SOX6: variants seen among roughly 807,000 people sequenced by gnomAD.
The protein encoded by SOX6 is transcription factor SOX-6.
Under a neutral mutation model 97.8 loss-of-function variants are expected in SOX6, and 11 were observed. The ratio of observed to expected loss-of-function variants is 0.11; its 90% CI spans 0.07 to 0.19. The LOEUF (loss-of-function observed/expected upper bound fraction) is 0.19. SOX6 is among the 10% of genes least tolerant of loss of function. The pLI is 1.00. For synonymous variants in SOX6, 360 were observed against 371.4 expected (o/e 0.97, Z 0.35); for missense variants, 810 against 1,039.5 (o/e 0.78, Z 3.04).
At chr11:16,697,180 T>C (rs549491968) in intron 3 of SOX6, among the ~76,000 whole-genome samples, 5 of 152,336 alleles carry the variant, frequency 3.3e-5, no homozygotes, top group Admixed American at 2.6e-4. Flanking sequence ...TGCTTCCATA[T>C]CTACAGTTAC....
intron 2 of SOX6, among the ~76,000 whole-genome samples, chr11:16,322,548 G>A (rs1481486742): frequency 6.6e-6 from 1 of 152,112 alleles, no homozygotes; most frequent in Non-Finnish European, 1.5e-5. Flanking sequence ...AATGTCCAAT[G>A]ATAATATCTA....
At chr11:16,564,834 C>T (rs540875637) in intron 4 of SOX6, among the ~76,000 whole-genome samples, 2 of 151,984 alleles carry the variant, frequency 1.3e-5, no homozygotes, top group Non-Finnish European at 2.9e-5. Flanking sequence ...ACATTTATAA[C>T]ACTAAATGCA....
At chr11:16,096,233 T>C (rs1848791700) in intron 8 of SOX6, 115 bp from the exon 9 acceptor site, 3 of 1,292,502 alleles carry the variant, frequency 2.3e-6, no homozygotes, top group South Asian at 2.6e-5. Context: ...AAATAGAAAG[T>C]AGAAAGTTTA....
At chr11:16,132,299 G>GA (rs1438169387) in intron 6 of SOX6, among the ~76,000 whole-genome samples, 2 of 112,294 alleles carry the variant, frequency 1.8e-5, no homozygotes, top group Admixed American at 2.0e-4. Context: ...AGGAAGGAAG[G>GA]AAGGAAGGAA....
chr11:16,705,876 A>G (rs949030606), intron 3 of SOX6, among the ~76,000 whole-genome samples: 3 of 152,164 alleles, frequency 2.0e-5, no homozygotes, highest in African/African-American at 7.2e-5. Flanking sequence ...TAAAAACAGT[A>G]CAATAGAACA....
intron 2 of SOX6, among the ~76,000 whole-genome samples, chr11:16,332,177 T>C (rs1369894954): frequency 6.6e-6 from 1 of 152,132 alleles, no homozygotes; most frequent in Non-Finnish European, 1.5e-5. Context: ...TAAATTAATA[T>C]AACTGAAAGT....
rs564469889 is a variant in SOX6 at position 16,498,166 on chromosome 11, C to T, written n.610-21778G>A. 3.3e-5 allele frequency among the ~76,000 whole-genome samples: 5 copies of T among 152,324 alleles called. No homozygotes were observed. In the East Asian group the frequency reaches 9.6e-4, roughly 29 times the overall value. On this transcript the variant is annotated intron_variant and non_coding_transcript_variant, in intron 4 of 5. Coordinates refer to the SOX6 transcript ENST00000524520. The stretch of plus-strand genomic sequence containing the variant: ...GAAGACAGTGGGGGCCAATATTCAA[C>T]ATTCTTGAAGAAAAGAATTTTCAAC...
chr11:16,374,420 G>T (rs992537912), intron 1 of SOX6, among the ~76,000 whole-genome samples: 6 of 152,034 alleles, frequency 3.9e-5, no homozygotes, highest in African/African-American at 1.2e-4. Context: ...CAGATTCAGA[G>T]TTATTCAGAT....
chr11:16,003,898 A>G (rs2119923729), intron 13 of SOX6, among the ~76,000 whole-genome samples: 1 of 152,100 alleles, frequency 6.6e-6, no homozygotes, highest in South Asian at 2.1e-4. Flanking sequence ...CTGAGATGCC[A>G]GCCTCCCTAC....
At position 16,070,487 on chromosome 11, in the gene SOX6, G is replaced by C. The variant is rs994394699; in HGVS notation, c.1102-14586C>G. Among the ~76,000 whole-genome samples the C allele has an allele frequency of 2.0e-5, 3 of 152,284 alleles. No homozygotes were observed. In the South Asian group the frequency reaches 6.2e-4, roughly 32 times the overall value. The stretch of plus-strand genomic sequence containing the variant: ...ATTATTTTGGAATGCATTCAGGAGA[G>C]CATTTCCTTATGGAACATAGTTGCA... On this transcript the variant is annotated intron_variant, in intron 9 of 15. Coordinates refer to ENST00000683767, the MANE Select transcript of SOX6 (RefSeq NM_001367873.1).
rs994593986 is a variant in SOX6 at position 15,971,101 on chromosome 11, A to C, written c.*1708T>G. The C allele has an allele frequency of 2.6e-5, 4 of 152,490 alleles. No individual in the cohort carries two copies. The East Asian group carries it at 7.7e-4, about 29-fold the overall frequency. 9.4% of individuals were successfully genotyped at this position (152,490 alleles called of 1,614,324 possible). Reference sequence around the variant, plus strand: ...TAGGCAGGTCCCCATGTGGCTACAGATAGAGTCAGCCAGAGGAACTCATCT... The same window carrying C: ...TAGGCAGGTCCCCATGTGGCTACAGCTAGAGTCAGCCAGAGGAACTCATCT... On this transcript the variant is annotated 3_prime_UTR_variant, in exon 16 of 16. Coordinates refer to ENST00000683767, the MANE Select transcript of SOX6 (RefSeq NM_001367873.1).
intron 3 of SOX6, among the ~76,000 whole-genome samples, chr11:16,310,516 G>C (rs1855569251): frequency 2.0e-5 from 3 of 151,942 alleles, no homozygotes; most frequent in Admixed American, 2.0e-4. Context: ...TTTTAAAACA[G>C]GAGCAAGGAC....
intron 4 of SOX6, among the ~76,000 whole-genome samples, chr11:16,191,115 A>G (rs1851618227): frequency 6.6e-6 from 1 of 152,200 alleles, no homozygotes; most frequent in Non-Finnish European, 1.5e-5. Context: ...TTTGTTAAGG[A>G]TGGCAAAAGA....
At chr11:16,545,276 G>A (rs1463509561) in intron 4 of SOX6, among the ~76,000 whole-genome samples, 1 of 150,660 alleles carries the variant, frequency 6.6e-6, no homozygotes, top group Non-Finnish European at 1.5e-5. Flanking sequence ...TACAGCCAAA[G>A]CTTTCCAAAT....
intron 3 of SOX6, among the ~76,000 whole-genome samples, chr11:16,310,380 A>G (rs1170338444): frequency 1.3e-5 from 2 of 152,102 alleles, no homozygotes; most frequent in African/African-American, 4.8e-5. Context: ...TTCATAATTC[A>G]AAAACCAATA....
intron 6 of SOX6, among the ~76,000 whole-genome samples, chr11:16,112,789 C>A (rs1248715601): frequency 6.6e-6 from 1 of 152,094 alleles, no homozygotes; most frequent in African/African-American, 2.4e-5. Flanking sequence ...CTTCTTTACT[C>A]TATGCATGCT....
At chr11:16,248,066 T>A (rs1853392518) in intron 3 of SOX6, among the ~76,000 whole-genome samples, 1 of 152,088 alleles carries the variant, frequency 6.6e-6, no homozygotes, top group Non-Finnish European at 1.5e-5. Context: ...AAGTCTGAAA[T>A]CCAATAAGGC....
intron 3 of SOX6, among the ~76,000 whole-genome samples, chr11:16,708,538 CA>C (rs981510289): frequency 2.6e-5 from 4 of 152,162 alleles, no homozygotes; most frequent in African/African-American, 9.7e-5. Flanking sequence ...CTTATGCTTT[CA>C]AATTTTGTTC....
intron 4 of SOX6, among the ~76,000 whole-genome samples, chr11:16,484,974 T>C (rs893743007): frequency 6.6e-6 from 1 of 152,176 alleles, no homozygotes; most frequent in Non-Finnish European, 1.5e-5. Flanking sequence ...TTAAAATGTA[T>C]ACTATTCACA....
Sources: allele counts gnomAD v4.1 joint callset (sites outside exome capture counted in the v4.1 genomes callset), GRCh38; gene constraint gnomAD v4.1.1; transcripts MANE v1.5; gene names NCBI Gene and HGNC (gene_info 2026-07-23, HGNC 2026-07-21).